MAP3K4: variants seen among roughly 807,000 people sequenced by gnomAD.
The protein encoded by MAP3K4 is mitogen-activated protein kinase kinase kinase 4.
MAP3K4 carries 67 observed loss-of-function variants against 185.6 expected under a neutral mutation model. That is an observed-to-expected ratio of 0.36 (90% CI 0.30 to 0.44). The LOEUF is 0.44. Ranked by LOEUF, MAP3K4 falls within the 20% of genes least tolerant of loss-of-function variation. MAP3K4 has a pLI of 1.00. For synonymous variants in MAP3K4, 702 were observed against 710.4 expected (o/e 0.99, Z 0.19); for missense variants, 1,551 against 1,995.1 (o/e 0.78, Z 4.24).
intron 3 of MAP3K4, among the ~76,000 whole-genome samples, chr6:161,059,378 C>T (rs1038489483): frequency 6.6e-6 from 1 of 152,176 alleles, no homozygotes; most frequent in Non-Finnish European, 1.5e-5. Context: ...CTCAAGTGAT[C>T]TGCCTGCCTT....
In MAP3K4 at chr6:161,054,946, T is replaced by G. The variant is rs186766180; in HGVS notation, c.1707+4967T>G. On this transcript the variant is annotated intron_variant, in intron 3 of 26. Coordinates refer to ENST00000392142, the MANE Select transcript of MAP3K4 (RefSeq NM_005922.4). This position sits in a 1 kb window ranked among gnomAD's most constrained non-coding sequence, Gnocchi z 4.2. ...ACAATCCAAGATCTTTTTTATATTT[T>G]CTCATTTATCTTCTTCTTCTCTTAT... Among the ~76,000 whole-genome samples, 63 of 152,358 alleles carry G rather than the reference T, an allele frequency of 4.1e-4. No individual in the cohort carries two copies. The highest frequency in any genetic ancestry group is 1.4e-3 in the African/African-American group (60 of 41,586).
At chr6:161,013,380 T>C (rs1781936706) in intron 1 of MAP3K4, among the ~76,000 whole-genome samples, 3 of 152,264 alleles carry the variant, frequency 2.0e-5, no homozygotes, top group Admixed American at 6.5e-5. Flanking sequence ...AGTTTAACTT[T>C]TAATATGGCT....
At chr6:161,042,408 CT>C (rs1173227467) in intron 2 of MAP3K4, among the ~76,000 whole-genome samples, 1 of 152,174 alleles carries the variant, frequency 6.6e-6, no homozygotes, top group Non-Finnish European at 1.5e-5. Flanking sequence ...AGTCTGCTAT[CT>C]GACGTCCCAG....
In MAP3K4 at chr6:161,037,466, T is replaced by C. The variant is rs2115181250; in HGVS notation, c.343+3017T>C. 6.6e-6 allele frequency among the ~76,000 whole-genome samples: 1 copy of C among 152,328 alleles called. No homozygotes were observed. Among genetic ancestry groups the C allele is most frequent in the East Asian group, 1.9e-4 (1 of 5,184 alleles). ...GGAGTTTCACTCTTGTTGCCCAGGC[T>C]GGAGTGCAGTGGCGCGATCTCAGCT... On this transcript the variant is annotated intron_variant, in intron 2 of 26. Coordinates refer to ENST00000392142, the MANE Select transcript of MAP3K4 (RefSeq NM_005922.4). The surrounding 1 kb of genome is among the most constrained non-coding windows in gnomAD (Gnocchi z 4.2).
intron 6 of MAP3K4, among the ~76,000 whole-genome samples, chr6:161,083,189 G>C (rs187821318): frequency 8.0e-4 from 122 of 152,184 alleles, no homozygotes; most frequent in Middle Eastern, 3.4e-3. Flanking sequence ...TCTTTATCCA[G>C]ATGTTACCTT....
chr6:161,055,266 G>A (rs189379877), intron 3 of MAP3K4, among the ~76,000 whole-genome samples: 2 of 152,320 alleles, frequency 1.3e-5, no homozygotes, highest in Non-Finnish European at 2.9e-5. Flanking sequence ...AGCAGTTACT[G>A]TAGCTAAGGA....
chr6:161,065,674 T>G (rs1784673509), intron 3 of MAP3K4, among the ~76,000 whole-genome samples: 1 of 152,154 alleles, frequency 6.6e-6, no homozygotes, highest in Non-Finnish European at 1.5e-5. Context: ...CACGGTGGCT[T>G]ACGCCTGTAA....
In MAP3K4 at chr6:161,106,806, T is replaced by C. The variant is rs1778094885; in HGVS notation, c.4048+101T>C. 4 of 936,624 alleles carry C rather than the reference T, an allele frequency of 4.3e-6. No homozygotes were observed. The highest frequency in any genetic ancestry group is 6.1e-6 in the Non-Finnish European group (4 of 659,104). The allele number at this position is 936,624 out of a possible 1,614,324, so 58.0% of individuals were successfully genotyped here. ...TCCTATAGAGTTGGCCCTTTTTTCTTGTAGACATAGCAAGTATGCATTGTT... is the reference window on the plus strand; with the variant it reads ...TCCTATAGAGTTGGCCCTTTTTTCTCGTAGACATAGCAAGTATGCATTGTT... On this transcript the variant is annotated intron_variant, in intron 20 of 26. Coordinates refer to ENST00000392142, the MANE Select transcript of MAP3K4 (RefSeq NM_005922.4). The surrounding 1 kb of genome is among the most constrained non-coding windows in gnomAD (Gnocchi z 4.9).
chr6:161,084,596 G>A lies in MAP3K4; in HGVS notation c.2351G>A (p.Ser784Asn). The A allele has an allele frequency of 1.2e-6, 2 of 1,606,646 alleles. No individual in the cohort carries two copies. Among genetic ancestry groups the A allele is most frequent in the Non-Finnish European group, 1.7e-6 (2 of 1,173,218 alleles). ...GAATTTTGGACTAGTGCGGATGACAGCAGTGCTTCCGACGAAATCAGGTTG... is the reference window on the plus strand; with the variant it reads ...GAATTTTGGACTAGTGCGGATGACAACAGTGCTTCCGACGAAATCAGGTTG... ...CAEFWTSADD[S>N]SASDEIRRSV... is the part of the protein sequence containing the mutation. Residue 784 changes from serine to asparagine, a missense_variant, in exon 7 of 27, where the codon AGC (serine) becomes AAC (asparagine). This residue lies in a region of MAP3K4 where 130 missense variants were observed against 171.3 expected (regional missense o/e 0.76). Transcript: ENST00000392142. This position sits in a 1 kb window ranked among gnomAD's most constrained non-coding sequence, Gnocchi z 4.6.
At position 161,049,952 on chromosome 6, in the gene MAP3K4, A is replaced by C. The variant is rs1457896363; in HGVS notation, c.1680A>C (p.Ala560=). The C allele has an allele frequency of 6.2e-7, 1 of 1,612,578 alleles. No individual in the cohort carries two copies. Among genetic ancestry groups the C allele is most frequent in the Admixed American group, 1.7e-5 (1 of 59,862 alleles). Residue 560 remains alanine (A), a synonymous_variant, in exon 3 of 27, where the codon GCA becomes GCC. Transcript: ENST00000392142. The surrounding 1 kb of genome is among the most constrained non-coding windows in gnomAD (Gnocchi z 8.4). ...GTTCCTTGCAAAGGGCACGTATAGC[A>C]TTGGTAAAGAACGATCGTCCAGTGG... ...MDGSLQRARI[A]LVKNDRPVEF... is the part of the protein sequence containing the mutation.
intron 1 of MAP3K4, among the ~76,000 whole-genome samples, chr6:161,012,699 C>T (rs949636923): frequency 6.6e-6 from 1 of 151,984 alleles, no homozygotes; most frequent in Admixed American, 6.5e-5. Flanking sequence ...TATGTTGTTT[C>T]CTTAGACATA....
At chr6:160,999,891 T>A (rs1781187083) in intron 1 of MAP3K4, among the ~76,000 whole-genome samples, 2 of 152,220 alleles carry the variant, frequency 1.3e-5, no homozygotes, top group Non-Finnish European at 2.9e-5. Context: ...TATGAAATCC[T>A]CTTAAAACTC....
In MAP3K4 at chr6:161,077,781, A is replaced by C. The variant is rs1785250337; in HGVS notation, c.2098-3100A>C. ...TCCTGCAGCTGTGTGAGTGGTGAAGATGTGAGTCCGGTGAGGAGTTTTAAA... is the reference window on the plus strand; with the variant it reads ...TCCTGCAGCTGTGTGAGTGGTGAAGCTGTGAGTCCGGTGAGGAGTTTTAAA... On this transcript the variant is annotated intron_variant, in intron 5 of 26. Coordinates refer to ENST00000392142, the MANE Select transcript of MAP3K4 (RefSeq NM_005922.4). This position sits in a 1 kb window ranked among gnomAD's most constrained non-coding sequence, Gnocchi z 4.3. Among the ~76,000 whole-genome samples, 1 of 152,170 alleles carries C rather than the reference A, an allele frequency of 6.6e-6. No individual in the cohort carries two copies. Among genetic ancestry groups the C allele is most frequent in the Non-Finnish European group, 1.5e-5 (1 of 68,032 alleles).
intron 1 of MAP3K4, among the ~76,000 whole-genome samples, chr6:161,033,550 C>CCTTG (rs59635194): frequency 0.84 from 127,870 of 151,688 alleles, 54,064 homozygotes; most frequent in East Asian, 0.99. Flanking sequence ...CTCCCCTGCA[C>CCTTG]CTTGAGTTCT....
At chr6:161,046,270 A>G (rs990031735) in intron 2 of MAP3K4, among the ~76,000 whole-genome samples, 2 of 152,166 alleles carry the variant, frequency 1.3e-5, no homozygotes, top group African/African-American at 2.4e-5. Flanking sequence ...TCAAAATACC[A>G]TGGGTTAACC....
At chr6:160,999,180 G>A (rs1583084133) in intron 1 of MAP3K4, among the ~76,000 whole-genome samples, 1 of 152,218 alleles carries the variant, frequency 6.6e-6, no homozygotes, top group Non-Finnish European at 1.5e-5. Context: ...AAGCTTTTTT[G>A]TGTGTGAGCA....
At chr6:161,078,425 G>T (rs1441757929) in intron 5 of MAP3K4, among the ~76,000 whole-genome samples, 2 of 152,208 alleles carry the variant, frequency 1.3e-5, no homozygotes, top group Non-Finnish European at 2.9e-5. Context: ...AAGCCCATGG[G>T]ATCTGAACTG....
At position 161,080,774 on chromosome 6, in the gene MAP3K4, C is replaced by T; in HGVS notation, c.2098-107C>T. The stretch of plus-strand genomic sequence containing the variant: ...GTCGGTGCTGCGTGCCTGTGACAGC[C>T]CCCGGCCCGCCCCCACTTTACCCTG... On this transcript the variant is annotated intron_variant, in intron 5 of 26. Transcript: ENST00000392142. This position sits in a 1 kb window ranked among gnomAD's most constrained non-coding sequence, Gnocchi z 4.8. 1.1e-6 allele frequency: 1 copy of T among 945,862 alleles called. No individual in the cohort carries two copies. The highest frequency in any genetic ancestry group is 2.2e-5 in the Admixed American group (1 of 46,344). The allele number at this position is 945,862 out of a possible 1,614,324, so 58.6% of individuals were successfully genotyped here. A position where few individuals can be genotyped will look rare whatever the true frequency, so the allele number is the denominator to read the frequency against.
intron 5 of MAP3K4, among the ~76,000 whole-genome samples, chr6:161,079,920 C>T (rs1195808017): frequency 6.6e-6 from 1 of 152,124 alleles, no homozygotes; most frequent in Non-Finnish European, 1.5e-5. Flanking sequence ...ATATCTTTCC[C>T]AACAATGAAG....
Sources: gnomAD v4.1 joint callset for allele counts (sites outside exome capture counted in the v4.1 genomes callset) on GRCh38, gnomAD v4.1.1 for gene constraint, gnomAD v4.1.1 regional missense constraint, Gnocchi (gnomAD v3.1) non-coding constraint, MANE v1.5 for transcripts, NCBI Gene and HGNC (gene_info 2026-07-23, HGNC 2026-07-21) for gene names.